COX7B2: variants seen among roughly 807,000 people sequenced by gnomAD.
COX7B2 encodes the protein cytochrome c oxidase subunit 7B2.
For synonymous variants in COX7B2, 37 were observed against 32.1 expected (o/e 1.15, Z -0.51); for missense variants, 109 against 95.9 (o/e 1.14, Z -0.57).
At chr4:46,855,742 T>C (rs1716973831) in intron 1 of COX7B2, among the ~76,000 whole-genome samples, 1 of 152,130 alleles carries the variant, frequency 6.6e-6, no homozygotes. Flanking sequence ...TTAACTCAAG[T>C]AGCATGTGGG....
chr4:46,761,826 C>A (rs1254064390), intron 2 of COX7B2, among the ~76,000 whole-genome samples: 1 of 151,830 alleles, frequency 6.6e-6, no homozygotes, highest in Non-Finnish European at 1.5e-5. Flanking sequence ...TCAGAAGGTG[C>A]CGAGATGAGT....
At chr4:46,862,704 A>G (rs1209426217) in intron 1 of COX7B2, among the ~76,000 whole-genome samples, 1 of 152,200 alleles carries the variant, frequency 6.6e-6, no homozygotes, top group Non-Finnish European at 1.5e-5. Context: ...TTCAACTGTA[A>G]GATTCTTATT....
At chr4:46,807,260 T>G (rs1719050699) in intron 2 of COX7B2, among the ~76,000 whole-genome samples, 1 of 151,924 alleles carries the variant, frequency 6.6e-6, no homozygotes, top group Non-Finnish European at 1.5e-5. Flanking sequence ...ATTTTCCTAA[T>G]GGTTAATTAT....
chr4:46,904,219 T>C (rs1441179183), intron 1 of COX7B2, among the ~76,000 whole-genome samples: 1 of 152,092 alleles, frequency 6.6e-6, no homozygotes, highest in Non-Finnish European at 1.5e-5. Flanking sequence ...GAAATACTGA[T>C]AAATTGTACT....
At chr4:46,851,635 G>T (rs1234116162) in intron 1 of COX7B2, among the ~76,000 whole-genome samples, 3 of 151,942 alleles carry the variant, frequency 2.0e-5, no homozygotes, top group Non-Finnish European at 4.4e-5. Context: ...ATCTAACACT[G>T]CATTTAGCTG....
At chr4:46,885,793 T>G (rs899448953) in intron 1 of COX7B2, among the ~76,000 whole-genome samples, 8 of 152,154 alleles carry the variant, frequency 5.3e-5, no homozygotes, top group African/African-American at 1.9e-4. Flanking sequence ...CTGTAATATA[T>G]AAGAAGGCAA....
At chr4:46,841,374 T>TGTGTGTGTGTG (rs1560414291) in intron 2 of COX7B2, among the ~76,000 whole-genome samples, 4 of 150,682 alleles carry the variant, frequency 2.7e-5, no homozygotes, top group African/African-American at 4.9e-5. Flanking sequence ...TGTGTGTGTG[T>TGTGTGTGTGTG]TTAAGATGGG....
intron 2 of COX7B2, among the ~76,000 whole-genome samples, chr4:46,804,045 G>A (rs1408478268): frequency 1.3e-5 from 2 of 152,148 alleles, no homozygotes; most frequent in African/African-American, 4.8e-5. Flanking sequence ...TGTGTTTGGA[G>A]TTTCTTTTTT....
intron 2 of COX7B2, among the ~76,000 whole-genome samples, chr4:46,806,663 C>G (rs1400968584): frequency 1.3e-5 from 2 of 152,000 alleles, no homozygotes; most frequent in African/African-American, 4.8e-5. Flanking sequence ...CACTTTGTAT[C>G]CCCTAACTTA....
intron 2 of COX7B2, among the ~76,000 whole-genome samples, chr4:46,785,633 T>C (rs186965495): frequency 4.9e-4 from 75 of 152,324 alleles, no homozygotes; most frequent in African/African-American, 1.7e-3. Flanking sequence ...TAAAGCCTTT[T>C]TATGCTCACT....
intron 2 of COX7B2, among the ~76,000 whole-genome samples, chr4:46,825,362 A>C (rs1714612528): frequency 6.6e-6 from 1 of 152,096 alleles, no homozygotes; most frequent in Non-Finnish European, 1.5e-5. Flanking sequence ...TTTACAAAAC[A>C]CTGCTCAACT....
At chr4:46,814,349 C>T (rs535215507) in intron 2 of COX7B2, among the ~76,000 whole-genome samples, 6 of 152,262 alleles carry the variant, frequency 3.9e-5, no homozygotes, top group African/African-American at 1.4e-4. Flanking sequence ...TTCGGCTTTC[C>T]AGTGTGAATC....
chr4:46,835,296 T>C (rs377305832), intron 2 of COX7B2, among the ~76,000 whole-genome samples: 89 of 152,270 alleles, frequency 5.8e-4, no homozygotes, highest in African/African-American at 2.0e-3. Context: ...AGGCTATATG[T>C]TGCAACATTG....
At chr4:46,831,741 C>T (rs1282940702) in intron 2 of COX7B2, among the ~76,000 whole-genome samples, 1 of 152,134 alleles carries the variant, frequency 6.6e-6, no homozygotes, top group Admixed American at 6.5e-5. Flanking sequence ...CACTCTGCAT[C>T]TATCTCAAGG....
At chr4:46,745,425 C>T (rs1714963399) in intron 2 of COX7B2, among the ~76,000 whole-genome samples, 1 of 152,204 alleles carries the variant, frequency 6.6e-6, no homozygotes, top group African/African-American at 2.4e-5. Flanking sequence ...AGCTGTTTTA[C>T]TAGGCCAGTG....
intron 2 of COX7B2, among the ~76,000 whole-genome samples, chr4:46,795,859 C>G (rs12015215): frequency 1.6e-4 from 3 of 18,530 alleles, no homozygotes; most frequent in Non-Finnish European, 3.3e-4. Context: ...ATTTATTTGT[C>G]TCCTCTTTTA....
chr4:46,772,088 C>T (rs1241672059), intron 2 of COX7B2, among the ~76,000 whole-genome samples: 8 of 152,000 alleles, frequency 5.3e-5, no homozygotes, highest in East Asian at 1.9e-4. Flanking sequence ...ATTAGACACA[C>T]GCATACAGTG....
At chr4:46,797,608 A>T (rs1718432227) in intron 2 of COX7B2, among the ~76,000 whole-genome samples, 1 of 152,120 alleles carries the variant, frequency 6.6e-6, no homozygotes, top group African/African-American at 2.4e-5. Flanking sequence ...AAGCGACACC[A>T]CTTTCCCGGA....
At chr4:46,803,102 T>C (rs1003106089) in intron 2 of COX7B2, among the ~76,000 whole-genome samples, 2 of 152,226 alleles carry the variant, frequency 1.3e-5, no homozygotes, top group East Asian at 1.9e-4. Context: ...TCAGAGAAGT[T>C]AAGTCTTCCA....
Sources: gnomAD v4.1 joint callset for allele counts (sites outside exome capture counted in the v4.1 genomes callset) on GRCh38, gnomAD v4.1.1 for gene constraint, MANE v1.5 for transcripts, NCBI Gene and HGNC (gene_info 2026-07-23, HGNC 2026-07-21) for gene names.